The following RSPO2 variants were observed in gnomAD, a reference collection of about 807,000 sequenced individuals.
RSPO2 encodes the protein R-spondin-2.
RSPO2 carries 14 observed loss-of-function variants against 30.9 expected under a neutral mutation model. The ratio of observed to expected loss-of-function variants is 0.45; its 90% CI spans 0.30 to 0.71. The LOEUF (loss-of-function observed/expected upper bound fraction) is 0.71, where lower values mean the gene tolerates loss of function less well. Ranked by LOEUF, RSPO2 falls within the 30% of genes least tolerant of loss-of-function variation. The probability of loss-of-function intolerance (pLI) is 0.08; values close to 1 mark genes in which losing one functional copy is unlikely to be tolerated. For missense variants in RSPO2, 264 were observed against 301.9 expected, an observed-to-expected ratio of 0.87 and a Z score of 0.93; for synonymous variants, 107 against 96.4, an observed-to-expected ratio of 1.11 and a Z score of -0.64.
At position 107,932,939 on chromosome 8, in the gene RSPO2, G is replaced by T. The variant is rs185723350; in HGVS notation, c.616+25141C>A. Reference sequence around the variant, plus strand: ...TGCATTGGAAAACTTTGATGTACTAGAAGGGGATGGGATAAGAAAGTGGCA... The same window carrying T: ...TGCATTGGAAAACTTTGATGTACTATAAGGGGATGGGATAAGAAAGTGGCA... On this transcript the variant is annotated intron_variant, in intron 5 of 5. Transcript: ENST00000276659. Among the ~76,000 whole-genome samples the T allele has an allele frequency of 8.5e-5, 13 of 152,224 alleles. No homozygotes were observed. In the East Asian group the frequency reaches 1.4e-3, roughly 16 times the overall value.
At chr8:107,952,922 T>C (rs551710384) in intron 5 of RSPO2, among the ~76,000 whole-genome samples, 4 of 152,296 alleles carry the variant, frequency 2.6e-5, no homozygotes, top group East Asian at 3.9e-4. Context: ...AAAGAAAGAA[T>C]ACCCTAAAAT....
intron 2 of RSPO2, among the ~76,000 whole-genome samples, chr8:108,072,492 A>AT (rs71308776): frequency 3.4e-3 from 417 of 122,636 alleles, no homozygotes; most frequent in East Asian, 0.016. Flanking sequence ...AGCCCGGCTA[A>AT]TTTTTTTTTT....
chr8:107,938,831 G>A (rs1304963524), intron 5 of RSPO2, among the ~76,000 whole-genome samples: 1 of 152,068 alleles, frequency 6.6e-6, no homozygotes, highest in East Asian at 1.9e-4. Context: ...GTTAAGTCCT[G>A]GAATTAAAAT....
chr8:108,035,400 A>C (rs1257756845), intron 2 of RSPO2, among the ~76,000 whole-genome samples: 1 of 152,154 alleles, frequency 6.6e-6, no homozygotes, highest in African/African-American at 2.4e-5. Context: ...GGTAGCACAA[A>C]TTTATAGTGA....
intron 4 of RSPO2, among the ~76,000 whole-genome samples, chr8:107,958,739 G>A (rs10106429): frequency 0.021 from 3,148 of 152,060 alleles, 53 homozygotes; most frequent in Non-Finnish European, 0.031. Context: ...GTTGTTTCCC[G>A]CCATGTGCCC....
chr8:108,006,284 A>G (rs370972258), intron 2 of RSPO2, among the ~76,000 whole-genome samples: 34 of 152,146 alleles, frequency 2.2e-4, no homozygotes, highest in East Asian at 9.6e-4. Context: ...TTTAAACAAC[A>G]TGTACAAAAG....
chr8:107,985,001 T>A (rs906454258), intron 3 of RSPO2, among the ~76,000 whole-genome samples: 16 of 152,328 alleles, frequency 1.1e-4, no homozygotes, highest in African/African-American at 3.4e-4. Flanking sequence ...AAAAGTTTAT[T>A]TTTTAATTAC....
At chr8:107,943,515 C>A (rs1293915992) in intron 5 of RSPO2, among the ~76,000 whole-genome samples, 1 of 152,190 alleles carries the variant, frequency 6.6e-6, no homozygotes, top group Non-Finnish European at 1.5e-5. Flanking sequence ...ACTAGACATG[C>A]TCACGTGCCA....
intron 3 of RSPO2, among the ~76,000 whole-genome samples, chr8:107,967,270 G>C (rs960283465): frequency 1.8e-4 from 27 of 152,170 alleles, no homozygotes; most frequent in Admixed American, 2.6e-4. Flanking sequence ...TTAATATAAG[G>C]TTTTTAAAAA....
chr8:108,012,654 A>C (rs1810747875), intron 2 of RSPO2, among the ~76,000 whole-genome samples: 1 of 152,228 alleles, frequency 6.6e-6, no homozygotes, highest in African/African-American at 2.4e-5. Flanking sequence ...GAGAAATTCC[A>C]AAAGTAGGGG....
At position 108,055,923 on chromosome 8, in the gene RSPO2, G is replaced by C. The variant is rs987041939; in HGVS notation, c.94+26622C>G. Among the ~76,000 whole-genome samples, 3 of 152,150 alleles carry C rather than the reference G, an allele frequency of 2.0e-5. No homozygotes were observed. In the East Asian group the frequency reaches 5.8e-4, roughly 29 times the overall value. On this transcript the variant is annotated intron_variant, in intron 2 of 5. Coordinates refer to ENST00000276659, the MANE Select transcript of RSPO2 (RefSeq NM_178565.5). ...TCACATTTCCATCTCGTGGTTAAGA[G>C]CATGGCTGGGTCAGAATGCCTAGAT...
intron 3 of RSPO2, among the ~76,000 whole-genome samples, chr8:107,967,067 G>C (rs960070217): frequency 6.6e-6 from 1 of 152,002 alleles, no homozygotes; most frequent in African/African-American, 2.4e-5. Context: ...ACAAAAACAG[G>C]GCATTTATTT....
intron 2 of RSPO2, among the ~76,000 whole-genome samples, chr8:108,023,403 A>G (rs934636627): frequency 2.6e-5 from 4 of 152,194 alleles, no homozygotes; most frequent in Non-Finnish European, 5.9e-5. Context: ...CAGGAACAAG[A>G]GAGTCTTTGT....
intron 4 of RSPO2, among the ~76,000 whole-genome samples, 184 bp downstream of exon 4, chr8:107,960,490 C>T (rs989235301): frequency 6.6e-6 from 1 of 152,154 alleles, no homozygotes; most frequent in Non-Finnish European, 1.5e-5. Flanking sequence ...GCAAATTTTA[C>T]AGCAAGATAT....
rs146926519 is a variant in RSPO2 at position 107,949,314 on chromosome 8, G to C, written c.616+8766C>G. Among the ~76,000 whole-genome samples the C allele has an allele frequency of 5.4e-3, 825 of 152,184 alleles. 9 individuals carry two copies. Among genetic ancestry groups the C allele is most frequent in the African/African-American group, 0.018 (764 of 41,508 alleles). On this transcript the variant is annotated intron_variant, in intron 5 of 5. Coordinates refer to ENST00000276659, the MANE Select transcript of RSPO2 (RefSeq NM_178565.5). ...AATAATGGTCTCTAACTCCACCCAG[G>C]TTGCTGCAAATGCCATTATTTCATT...
intron 2 of RSPO2, among the ~76,000 whole-genome samples, chr8:107,990,636 A>G (rs1313309198): frequency 2.0e-5 from 3 of 152,206 alleles, no homozygotes; most frequent in Non-Finnish European, 2.9e-5. Context: ...GCCCAAAGCA[A>G]TTTATCGATT....
intron 2 of RSPO2, among the ~76,000 whole-genome samples, chr8:108,012,144 T>A (rs368463920): frequency 1.6e-4 from 24 of 152,354 alleles, no homozygotes; most frequent in African/African-American, 5.3e-4. Context: ...ATTATTCCTT[T>A]ACCTTTCCAA....
At chr8:107,928,188 T>C (rs563186538) in intron 5 of RSPO2, among the ~76,000 whole-genome samples, 1 of 152,280 alleles carries the variant, frequency 6.6e-6, no homozygotes, top group African/African-American at 2.4e-5. Flanking sequence ...CCCCCTTCTG[T>C]CGTTACTTCA....
intron 5 of RSPO2, among the ~76,000 whole-genome samples, chr8:107,902,493 G>A (rs1811509151): frequency 6.6e-6 from 1 of 152,038 alleles, no homozygotes; most frequent in South Asian, 2.1e-4. Flanking sequence ...TTTCAATCTA[G>A]CCTATGGAGA....
Sources: allele counts gnomAD v4.1 joint callset (sites outside exome capture counted in the v4.1 genomes callset), GRCh38; gene constraint gnomAD v4.1.1; transcripts MANE v1.5; gene names NCBI Gene and HGNC (gene_info 2026-07-23, HGNC 2026-07-21).